CCDC146: variants seen among roughly 807,000 people sequenced by gnomAD.
The protein encoded by CCDC146 is coiled-coil domain-containing protein 146.
In CCDC146, 92 loss-of-function variants were observed where a neutral mutation model predicts 119.3. The observed-to-expected ratio is 0.77, with a 90% CI of 0.65 to 0.92. CCDC146 has a LOEUF of 0.92. Among genes scored for constraint, CCDC146 ranks in the 40% least tolerant of loss-of-function variants. The probability of loss-of-function intolerance (pLI) is 0.00; values close to 1 mark genes in which losing one functional copy is unlikely to be tolerated. For synonymous variants in CCDC146, 372 were observed against 371.8 expected (o/e 1.00, Z -0.01); for missense variants, 1,000 against 1,103.0 (o/e 0.91, Z 1.32).
intron 1 of CCDC146, among the ~76,000 whole-genome samples, chr7:77,161,545 C>G (rs1791261711): frequency 1.3e-5 from 2 of 149,674 alleles, no homozygotes; most frequent in Admixed American, 1.4e-4. Context: ...GAACAAAAAA[C>G]CAAACACCGC....
rs555576381 is a variant in CCDC146 at position 77,197,861 on chromosome 7, A to G, written c.156+30037A>G. On this transcript the variant is annotated intron_variant, in intron 2 of 18. Transcript: ENST00000285871. ...GAAACAACAGGTGACTATATTGAGGATAAGCATAATAATCAGTTAACAAAG... is the reference window on the plus strand; with the variant it reads ...GAAACAACAGGTGACTATATTGAGGGTAAGCATAATAATCAGTTAACAAAG... Among the ~76,000 whole-genome samples the G allele has an allele frequency of 9.9e-5, 15 of 152,226 alleles. 1 individual carries two copies. Among genetic ancestry groups the G allele is most frequent in the Admixed American group, 2.6e-4 (4 of 15,284 alleles).
At chr7:77,286,753 T>G (rs1215617341) in intron 15 of CCDC146, 45 bp from the exon 16 acceptor site, 1 of 1,592,838 alleles carries the variant, frequency 6.3e-7, no homozygotes, top group East Asian at 2.2e-5. Context: ...TCAGATTAAC[T>G]GAGCTAGAGC....
intron 2 of CCDC146, among the ~76,000 whole-genome samples, chr7:77,228,069 G>T (rs1792550398): frequency 6.6e-6 from 1 of 152,170 alleles, no homozygotes; most frequent in Non-Finnish European, 1.5e-5. Flanking sequence ...AACACTTGCT[G>T]CTTCCTTTTA....
At chr7:77,241,587 T>A in intron 3 of CCDC146, 104 bp from the exon 4 acceptor site, 1 of 910,444 alleles carries the variant, frequency 1.1e-6, no homozygotes, top group Non-Finnish European at 1.7e-6. Flanking sequence ...CAGAGTTGAG[T>A]TGATCTGAGG....
At chr7:77,231,709 A>G (rs1218069796) in intron 2 of CCDC146, among the ~76,000 whole-genome samples, 1 of 152,144 alleles carries the variant, frequency 6.6e-6, no homozygotes, top group Non-Finnish European at 1.5e-5. Flanking sequence ...TTTAATTTTT[A>G]AAACATGGTT....
intron 2 of CCDC146, among the ~76,000 whole-genome samples, chr7:77,223,518 C>T (rs1403659647): frequency 6.6e-6 from 1 of 152,198 alleles, no homozygotes; most frequent in Non-Finnish European, 1.5e-5. Flanking sequence ...GTGAACCTTG[C>T]CAACCACACA....
intron 2 of CCDC146, among the ~76,000 whole-genome samples, chr7:77,206,141 T>A (rs985277574): frequency 3.9e-5 from 6 of 152,164 alleles, no homozygotes; most frequent in Non-Finnish European, 1.5e-5. Context: ...TTTTAGAGAG[T>A]AGGCAAATCA....
At chr7:77,181,328 C>T (rs902491546) in intron 2 of CCDC146, among the ~76,000 whole-genome samples, 4 of 152,134 alleles carry the variant, frequency 2.6e-5, no homozygotes, top group African/African-American at 9.7e-5. Flanking sequence ...TGTCTGGAAC[C>T]TGGCAGTGGG....
At chr7:77,202,812 A>G (rs746687875) in intron 2 of CCDC146, among the ~76,000 whole-genome samples, 45 of 152,214 alleles carry the variant, frequency 3.0e-4, no homozygotes, top group Non-Finnish European at 5.3e-4. Flanking sequence ...GTCATTTTAC[A>G]GTTTTCAGTT....
intron 2 of CCDC146, among the ~76,000 whole-genome samples, chr7:77,222,509 C>T (rs912054523): frequency 6.6e-6 from 1 of 152,176 alleles, no homozygotes; most frequent in Non-Finnish European, 1.5e-5. Context: ...GGGAGGTGAT[C>T]TCAGCACATA....
chr7:77,247,164 A>G (rs1043636375), intron 4 of CCDC146, among the ~76,000 whole-genome samples: 80 of 152,310 alleles, frequency 5.3e-4, no homozygotes, highest in African/African-American at 1.9e-3. Context: ...AGAAAAATAC[A>G]TTCCTTTTAG....
chr7:77,199,349 C>T, intron 2 of CCDC146: 1 of 1,614,080 alleles, frequency 6.2e-7, no homozygotes, highest in Non-Finnish European at 8.5e-7. Flanking sequence ...TTGATCTCCT[C>T]TTTGGCATTC....
intron 9 of CCDC146, among the ~76,000 whole-genome samples, chr7:77,265,560 A>G (rs1371463197): frequency 1.5e-5 from 1 of 67,328 alleles, no homozygotes; most frequent in Non-Finnish European, 3.3e-5. Context: ...CTAAAAGACT[A>G]CACACAAAAA....
intron 2 of CCDC146, chr7:77,195,905 C>G (rs1791859311): frequency 5.8e-6 from 1 of 173,614 alleles, no homozygotes; most frequent in Admixed American, 5.8e-5. Flanking sequence ...GATCTGCCTG[C>G]CTTGACATTC....
chr7:77,204,104 A>T (rs1178184229), intron 2 of CCDC146, among the ~76,000 whole-genome samples: 1 of 152,030 alleles, frequency 6.6e-6, no homozygotes, highest in Non-Finnish European at 1.5e-5. Flanking sequence ...TATTTATAGT[A>T]TTGAGAGCCT....
At chr7:77,138,375 C>T (rs1790889013) in intron 1 of CCDC146, among the ~76,000 whole-genome samples, 1 of 146,816 alleles carries the variant, frequency 6.8e-6, no homozygotes. Flanking sequence ...CCACTCTTAA[C>T]AAAAATGAAC....
At chr7:77,271,953 T>C (rs1171404118) in intron 9 of CCDC146, among the ~76,000 whole-genome samples, 1 of 152,088 alleles carries the variant, frequency 6.6e-6, no homozygotes, top group Non-Finnish European at 1.5e-5. Flanking sequence ...GGCCCTGTTA[T>C]TCACGTTTAC....
chr7:77,156,593 G>A (rs1791182260), intron 1 of CCDC146, among the ~76,000 whole-genome samples: 1 of 152,020 alleles, frequency 6.6e-6, no homozygotes, highest in Non-Finnish European at 1.5e-5. Context: ...AATAAAATAT[G>A]TATCTATATC....
chr7:77,260,172 CATA>C lies in CCDC146; in HGVS notation c.924_926del (p.Asn309del), dbSNP rs753292772. The C allele has an allele frequency of 1.2e-6, 2 of 1,614,018 alleles. No individual in the cohort carries two copies. Among genetic ancestry groups the C allele is most frequent in the South Asian group, 2.2e-5 (2 of 91,080 alleles). ...CTTACTTGAAATCAAAGAACGAGAACATAACCAATTGGTCAAGCTATTGGAATT... is the reference window on the plus strand; with the variant it reads ...CTTACTTGAAATCAAAGAACGAGAACACCAATTGGTCAAGCTATTGGAATT... On this transcript the variant is annotated inframe_deletion, in exon 8 of 19. Coordinates refer to ENST00000285871, the MANE Select transcript of CCDC146 (RefSeq NM_020879.3).
Sources: gnomAD v4.1 joint callset for allele counts (sites outside exome capture counted in the v4.1 genomes callset) on GRCh38, gnomAD v4.1.1 for gene constraint, MANE v1.5 for transcripts, NCBI Gene and HGNC (gene_info 2026-07-23, HGNC 2026-07-21) for gene names.